Variants in SPOCK1 observed in about 807,000 individuals in gnomAD.
SPOCK1 encodes the protein testican-1.
SPOCK1 carries 23 observed loss-of-function variants against 55.3 expected under a neutral mutation model. That is an observed-to-expected ratio of 0.42 (90% CI 0.30 to 0.59). The LOEUF (loss-of-function observed/expected upper bound fraction) is 0.59, where lower values mean the gene tolerates loss of function less well. SPOCK1 is among the 20% of genes least tolerant of loss of function. The pLI is 0.22. For synonymous variants in SPOCK1, 226 were observed against 221.0 expected (o/e 1.02, Z -0.20); for missense variants, 499 against 552.5 (o/e 0.90, Z 0.97).
chr5:137,226,800 C>T (rs1266560583), intron 3 of SPOCK1, among the ~76,000 whole-genome samples: 1 of 152,164 alleles, frequency 6.6e-6, no homozygotes, highest in East Asian at 1.9e-4. Flanking sequence ...AGTATAACTA[C>T]CGTGTGCCCT....
rs1023328885 is a variant in SPOCK1 at position 137,494,340 on chromosome 5, C to T, written c.186+4033G>A. Among the ~76,000 whole-genome samples the T allele has an allele frequency of 2.0e-5, 3 of 152,156 alleles. No individual in the cohort carries two copies. The South Asian group carries it at 6.2e-4, about 32-fold the overall frequency. On this transcript the variant is annotated intron_variant, in intron 2 of 10. Coordinates refer to ENST00000394945, the MANE Select transcript of SPOCK1 (RefSeq NM_004598.4). ...ACTTGCAATGTGCTATCAGTGGAGG[C>T]TTGCACCCCAAATCCACTCAGCCCC...
chr5:137,158,497 G>A (rs189025785), intron 3 of SPOCK1, among the ~76,000 whole-genome samples: 36 of 152,284 alleles, frequency 2.4e-4, no homozygotes, highest in Admixed American at 1.5e-3. Context: ...CATGGAACAT[G>A]TCAATTGAAA....
At chr5:137,098,841 C>T (rs1243260016) in intron 5 of SPOCK1, among the ~76,000 whole-genome samples, 3 of 152,174 alleles carry the variant, frequency 2.0e-5, no homozygotes, top group Non-Finnish European at 4.4e-5. Context: ...TCTGAAATGC[C>T]ACCGGGTCCA....
chr5:137,040,364 T>C (rs1406259160), intron 6 of SPOCK1, among the ~76,000 whole-genome samples: 1 of 152,240 alleles, frequency 6.6e-6, no homozygotes, highest in Non-Finnish European at 1.5e-5. Flanking sequence ...AGCACTGCAC[T>C]GTGGCTACAA....
At chr5:137,487,048 G>A (rs556147968) in intron 2 of SPOCK1, among the ~76,000 whole-genome samples, 71 of 152,222 alleles carry the variant, frequency 4.7e-4, no homozygotes, top group South Asian at 1.9e-3. Context: ...CCCTAACAGT[G>A]GAACAATGGA....
chr5:137,304,895 T>C (rs1757677827), intron 2 of SPOCK1, among the ~76,000 whole-genome samples: 1 of 152,050 alleles, frequency 6.6e-6, no homozygotes, highest in Admixed American at 6.5e-5. Flanking sequence ...GGAGAGTGCA[T>C]CAGCTTCCTA....
At chr5:137,116,507 G>A (rs186689485) in intron 4 of SPOCK1, among the ~76,000 whole-genome samples, 344 of 152,022 alleles carry the variant, frequency 2.3e-3, no homozygotes, top group African/African-American at 8.0e-3. Flanking sequence ...TTAGCTGGCT[G>A]TGGTGGCGGG....
At chr5:137,403,082 C>T (rs1235661733) in intron 2 of SPOCK1, among the ~76,000 whole-genome samples, 1 of 152,254 alleles carries the variant, frequency 6.6e-6, no homozygotes, top group Non-Finnish European at 1.5e-5. Flanking sequence ...TTCCTTCCTT[C>T]TCCATTTACT....
intron 2 of SPOCK1, among the ~76,000 whole-genome samples, chr5:137,367,258 G>T (rs1214765711): frequency 6.6e-6 from 1 of 152,174 alleles, no homozygotes; most frequent in Non-Finnish European, 1.5e-5. Flanking sequence ...CAAAATGCAT[G>T]ATTGACAAGA....
intron 2 of SPOCK1, among the ~76,000 whole-genome samples, chr5:137,431,798 A>G (rs1752750684): frequency 6.6e-6 from 1 of 152,252 alleles, no homozygotes; most frequent in Non-Finnish European, 1.5e-5. Flanking sequence ...AGCTCTCACC[A>G]GAAACCAAGG....
At chr5:137,429,216 G>A (rs1476714211) in intron 2 of SPOCK1, among the ~76,000 whole-genome samples, 6 of 152,100 alleles carry the variant, frequency 3.9e-5, no homozygotes, top group African/African-American at 1.4e-4. Flanking sequence ...TCAGGCTGCT[G>A]TGTCTCTGGA....
chr5:137,154,458 G>A (rs1754376719), intron 3 of SPOCK1, among the ~76,000 whole-genome samples: 1 of 152,166 alleles, frequency 6.6e-6, no homozygotes, highest in Non-Finnish European at 1.5e-5. Context: ...GATTGCAAGG[G>A]CCCCAGGATG....
At chr5:137,098,776 T>A (rs78279694) in intron 5 of SPOCK1, among the ~76,000 whole-genome samples, 6,752 of 152,258 alleles carry the variant, frequency 0.044, 497 homozygotes, top group African/African-American at 0.15. Context: ...CTTTGCATCG[T>A]TTATTCTTGC....
intron 2 of SPOCK1, among the ~76,000 whole-genome samples, chr5:137,317,245 G>T (rs891901806): frequency 6.6e-6 from 1 of 152,208 alleles, no homozygotes; most frequent in African/African-American, 2.4e-5. Flanking sequence ...TGTAAGAAAT[G>T]TTCAGTCAAG....
At chr5:137,071,304 T>G (rs1372975811) in intron 5 of SPOCK1, among the ~76,000 whole-genome samples, 1 of 152,138 alleles carries the variant, frequency 6.6e-6, no homozygotes, top group East Asian at 1.9e-4. Flanking sequence ...ATAATTCCAT[T>G]TTTTATAAAG....
chr5:137,037,570 T>C (rs80017287), intron 6 of SPOCK1, among the ~76,000 whole-genome samples: 1 of 152,238 alleles, frequency 6.6e-6, no homozygotes, highest in East Asian at 1.9e-4. Flanking sequence ...TGGTTTAGGA[T>C]AAGAAAGTGT....
chr5:137,287,195 T>C (rs891391397), intron 2 of SPOCK1, among the ~76,000 whole-genome samples: 3 of 152,196 alleles, frequency 2.0e-5, no homozygotes, highest in Admixed American at 6.5e-5. Flanking sequence ...TTGGCTGCCA[T>C]GGTGCAAACT....
intron 3 of SPOCK1, among the ~76,000 whole-genome samples, chr5:137,221,599 C>T (rs1249175082): frequency 1.3e-5 from 2 of 152,246 alleles, no homozygotes; most frequent in East Asian, 3.9e-4. Context: ...ACTGAGATGA[C>T]AATAGATTCC....
intron 3 of SPOCK1, among the ~76,000 whole-genome samples, chr5:137,150,574 T>G (rs1293537245): frequency 3.3e-5 from 5 of 151,968 alleles, no homozygotes; most frequent in African/African-American, 1.2e-4. Flanking sequence ...AGAGCTTGGT[T>G]AGGGAAACAG....
Sources: gnomAD v4.1 joint callset for allele counts (sites outside exome capture counted in the v4.1 genomes callset) on GRCh38, gnomAD v4.1.1 for gene constraint, MANE v1.5 for transcripts, NCBI Gene and HGNC (gene_info 2026-07-23, HGNC 2026-07-21) for gene names.